SUCO: variants seen among roughly 807,000 people sequenced by gnomAD.
SUCO encodes the protein SUN domain containing ossification factor, also known as SUN domain-containing ossification factor.
Under a neutral mutation model 148.1 loss-of-function variants are expected in SUCO, and 57 were observed. The observed-to-expected ratio is 0.38, with a 90% CI of 0.31 to 0.48. The LOEUF is 0.48. Ranked by LOEUF, SUCO falls within the 20% of genes least tolerant of loss-of-function variation. SUCO has a pLI of 0.96. For missense variants in SUCO, 1,331 were observed against 1,468.2 expected (o/e 0.91, Z 1.53); for synonymous variants, 470 against 502.7 (o/e 0.93, Z 0.87).
intron 1 of SUCO, among the ~76,000 whole-genome samples, chr1:172,548,575 T>A (rs1336395173): frequency 6.6e-6 from 1 of 152,078 alleles, no homozygotes; most frequent in Admixed American, 6.5e-5. Context: ...CAATTGTGAT[T>A]GGTAGTCTTC....
chr1:172,568,437 C>A, intron 6 of SUCO: 2 of 980,646 alleles, frequency 2.0e-6, no homozygotes, highest in South Asian at 9.4e-5. Flanking sequence ...TATGGTTAAC[C>A]TAACCAAATG....
chr1:172,551,494 G>A lies in SUCO; in HGVS notation c.63-18G>A, dbSNP rs758953678. On this transcript the variant is annotated intron_variant, in intron 1 of 23. Transcript: ENST00000263688. ...CTTTCTCTTTTTCTGTTTGTTGGTG[G>A]TGGTGGGTGTTTTACAGGCTTCCCA... 5 of 1,464,072 alleles carry A rather than the reference G, an allele frequency of 3.4e-6. No individual in the cohort carries two copies. Among genetic ancestry groups the A allele is most frequent in the Non-Finnish European group, 4.7e-6 (5 of 1,064,042 alleles). 90.7% of individuals were successfully genotyped at this position (1,464,072 alleles called of 1,614,324 possible).
intron 5 of SUCO, 82 bp from the exon 6 acceptor site, chr1:172,557,562 A>C: frequency 6.8e-7 from 1 of 1,463,716 alleles, no homozygotes; most frequent in Non-Finnish European, 9.2e-7. Context: ...TACTTTGTGC[A>C]TGAGTTCAAA....
intron 1 of SUCO, chr1:172,542,608 G>A (rs1039332067): frequency 1.6e-5 from 5 of 311,638 alleles, no homozygotes; most frequent in African/African-American, 9.1e-5. Context: ...CCACACACGC[G>A]AGGGATCTAG....
At chr1:172,543,883 C>T (rs995086616) in intron 1 of SUCO, among the ~76,000 whole-genome samples, 2 of 151,950 alleles carry the variant, frequency 1.3e-5, no homozygotes. Context: ...TAAAAGAGCT[C>T]CAGACTGATA....
At chr1:172,533,663 A>G (rs1163153607) in intron 1 of SUCO, among the ~76,000 whole-genome samples, 166 bp downstream of exon 1, 3 of 152,208 alleles carry the variant, frequency 2.0e-5, no homozygotes, top group Non-Finnish European at 4.4e-5. Flanking sequence ...CTGGTCTGGT[A>G]GTGCTCTGTG....
chr1:172,578,925 T>C (rs1348938592), intron 14 of SUCO, among the ~76,000 whole-genome samples: 1 of 152,044 alleles, frequency 6.6e-6, no homozygotes, highest in Non-Finnish European at 1.5e-5. Context: ...TGACTAAGAG[T>C]TGGTAAAGTA....
intron 15 of SUCO, among the ~76,000 whole-genome samples, chr1:172,582,164 T>C (rs1232317786): frequency 6.6e-6 from 1 of 152,170 alleles, no homozygotes. Context: ...AAAATCACCC[T>C]ATCTGCTAAA....
intron 22 of SUCO, chr1:172,608,406 G>A (rs1657993769): frequency 3.5e-6 from 1 of 283,086 alleles, no homozygotes; most frequent in Non-Finnish European, 6.6e-6. Context: ...AGCTTACCCA[G>A]GAATGTTTCT....
In SUCO at chr1:172,577,764, G is replaced by A. The variant is rs775409256; in HGVS notation, c.1285G>A (p.Val429Ile). 7 of 1,611,064 alleles carry A rather than the reference G, an allele frequency of 4.3e-6. No homozygotes were observed. The East Asian group carries it at 1.3e-4, about 31-fold the overall frequency. Reference protein sequence around the residue: ...YVKMFIKYIKVELLSHFGSEH... With the variant: ...YVKMFIKYIKIELLSHFGSEH... ...CATTTTATGTGCTTTTATTCTTTAG[G>A]TTGAGTTGCTATCACATTTTGGATC... Residue 429 changes from valine to isoleucine, a missense_variant and splice_region_variant, in exon 13 of 24, where the codon GTT (valine) becomes ATT (isoleucine). By Grantham distance (29) the Val-to-Ile change is conservative. Coordinates refer to ENST00000263688, the MANE Select transcript of SUCO (RefSeq NM_014283.5).
intron 9 of SUCO, among the ~76,000 whole-genome samples, chr1:172,573,409 C>CCT (rs1375374101): frequency 6.6e-6 from 1 of 152,128 alleles, no homozygotes; most frequent in African/African-American, 2.4e-5. Context: ...ATTTCCCCCC[C>CCT]TGCCCTTATA....
upstream of SUCO, chr1:172,532,356 T>A: frequency 1.3e-6 from 1 of 771,062 alleles, no homozygotes; most frequent in South Asian, 1.9e-5. Context: ...GAACCCAAAG[T>A]TCGAAACCAA....
At chr1:172,592,818 T>A (rs1220026840) in intron 19 of SUCO, among the ~76,000 whole-genome samples, 1 of 152,214 alleles carries the variant, frequency 6.6e-6, no homozygotes, top group East Asian at 1.9e-4. Flanking sequence ...GTAAAGAAAG[T>A]CATTGGTGGC....
At chr1:172,601,205 G>A (rs1033360054) in intron 20 of SUCO, among the ~76,000 whole-genome samples, 20 of 152,158 alleles carry the variant, frequency 1.3e-4, no homozygotes, top group Admixed American at 1.2e-3. Context: ...AGAGGTAATT[G>A]CAGGCCAGGC....
At chr1:172,537,540 C>T (rs927624815) in intron 1 of SUCO, among the ~76,000 whole-genome samples, 2 of 152,178 alleles carry the variant, frequency 1.3e-5, no homozygotes, top group South Asian at 4.1e-4. Flanking sequence ...ATTCCTAAGT[C>T]TACCTAACTG....
chr1:172,551,473 C>CTCTTTT, intron 1 of SUCO, 39 bp from the exon 2 acceptor site: 1 of 1,312,498 alleles, frequency 7.6e-7, no homozygotes, highest in South Asian at 1.3e-5. Flanking sequence ...CTTTCTCTTT[C>CTCTTTT]TCTTTTTCTG....
chr1:172,577,920 T>A, intron 13 of SUCO, 101 bp downstream of exon 13: 1 of 821,968 alleles, frequency 1.2e-6, no homozygotes, highest in Admixed American at 3.0e-5. Context: ...TTACGTGAGT[T>A]AATACCATAG....
chr1:172,537,236 A>G (rs1652092913), intron 1 of SUCO, among the ~76,000 whole-genome samples: 1 of 152,164 alleles, frequency 6.6e-6, no homozygotes, highest in Non-Finnish European at 1.5e-5. Context: ...GTAATAGTAT[A>G]TTAGTGTATG....
intron 6 of SUCO, among the ~76,000 whole-genome samples, chr1:172,563,114 T>G (rs946749063): frequency 1.3e-5 from 2 of 152,218 alleles, no homozygotes; most frequent in African/African-American, 4.8e-5. Context: ...TAAACCTCTT[T>G]TCTTCGTAAA....
Sources: gnomAD v4.1 joint callset for allele counts (sites outside exome capture counted in the v4.1 genomes callset) on GRCh38, gnomAD v4.1.1 for gene constraint, MANE v1.5 for transcripts, NCBI Gene and HGNC (gene_info 2026-07-23, HGNC 2026-07-21) for gene names.